The following CXCL10 variants were observed in gnomAD, a reference collection of about 807,000 sequenced individuals.
The protein encoded by CXCL10 is C-X-C motif chemokine ligand 10.
In CXCL10, 6 loss-of-function variants were observed where a neutral mutation model predicts 10.8. That is an observed-to-expected ratio of 0.55 (90% CI 0.30 to 1.09). CXCL10 has a LOEUF of 1.09. Ranked by LOEUF, CXCL10 falls within the 50% of genes least tolerant of loss-of-function variation. The probability of loss-of-function intolerance (pLI) is 0.06; values close to 1 mark genes in which losing one functional copy is unlikely to be tolerated. For synonymous variants in CXCL10, 35 were observed against 35.8 expected, an observed-to-expected ratio of 0.98 and a Z score of 0.08; for missense variants, 114 against 114.3, an observed-to-expected ratio of 1.00 and a Z score of 0.01.
rs1733069851 is a variant in CXCL10, at chr4:76,023,397, A to G, written c.35T>C (p.Ile12Thr). 1 of 1,613,988 alleles carries G rather than the reference A, an allele frequency of 6.2e-7. No individual in the cohort carries two copies. Among genetic ancestry groups the G allele is most frequent in the East Asian group, 2.2e-5 (1 of 44,878 alleles). ...NQTAILICCLIFLTLSGIQGV... is the reference protein window; with the variant it reads ...NQTAILICCLTFLTLSGIQGV... ...TTGAATGCCACTTAGAGTCAGAAAGATAAGGCAGCAAATCAGAATGGCAGT... is the reference window on the plus strand; with the variant it reads ...TTGAATGCCACTTAGAGTCAGAAAGGTAAGGCAGCAAATCAGAATGGCAGT... Residue 12 changes from isoleucine (I) to threonine (T), a missense_variant, in exon 1 of 4, where the codon ATC (isoleucine) becomes ACC (threonine). Physicochemically the swap from Ile to Thr is moderately conservative, Grantham distance 89. Coordinates refer to ENST00000306602, the MANE Select transcript of CXCL10 (RefSeq NM_001565.4).
Position 76,022,836 on chromosome 4 carries a change from A to G in CXCL10, c.62-19T>C, listed in dbSNP as rs896618954. 1 of 1,603,582 alleles carries G rather than the reference A, an allele frequency of 6.2e-7. No individual in the cohort carries two copies. The highest frequency in any genetic ancestry group is 8.5e-7 in the Non-Finnish European group (1 of 1,178,838). ...GGTACTCCTGTAGGAAAAGAGGAAC[A>G]GCAGAGAAGGTTAGCACAGTGTTCA... On this transcript the variant is annotated intron_variant, in intron 1 of 3. Coordinates refer to ENST00000306602, the MANE Select transcript of CXCL10 (RefSeq NM_001565.4).
chr4:76,022,086 G>T, intron 3 of CXCL10, 138 bp from the exon 4 acceptor site: 1 of 871,264 alleles, frequency 1.1e-6, no homozygotes, highest in Admixed American at 2.0e-5. Flanking sequence ...GGATTATAGG[G>T]GTTGCTTTTT....
rs764482738 is a variant in CXCL10, at chr4:76,022,374, G to T, written c.270C>A (p.Ser90Arg). The T allele has an allele frequency of 5.0e-6, 8 of 1,613,176 alleles. No homozygotes were observed. In the Admixed American group the frequency reaches 1.3e-4, roughly 27 times the overall value. The change falls in exon 3 of 4, where the codon AGC (serine) becomes AGA (arginine). Residue 90 changes from serine to arginine, a missense_variant. Ser to Arg is a moderately radical substitution (Grantham distance 110, BLOSUM62 -1). Coordinates refer to ENST00000306602, the MANE Select transcript of CXCL10 (RefSeq NM_001565.4). ...KAIKNLLKAV[S>R]KERSKRSP is the part of the protein sequence containing the mutation. The stretch of plus-strand genomic sequence containing the variant: ...GGCAACAGCAAACCTACCTTTCCTT[G>T]CTAACTGCTTTCAGTAAATTCTTGA...
intron 3 of CXCL10, among the ~76,000 whole-genome samples, 161 bp from the exon 4 acceptor site, chr4:76,022,109 G>T (rs1312224659): frequency 6.6e-6 from 1 of 152,164 alleles, no homozygotes; most frequent in African/African-American, 2.4e-5. Context: ...AACCATGAAA[G>T]ACTTGGGGAA....
chr4:76,022,644 A>T, intron 2 of CXCL10, 47 bp downstream of exon 2: 2 of 1,588,442 alleles, frequency 1.3e-6, no homozygotes, highest in South Asian at 2.2e-5. Context: ...TTAATACAGT[A>T]TATAATTACA....
chr4:76,021,835 C>T lies in CXCL10; in HGVS notation c.*95G>A. The T allele has an allele frequency of 8.2e-7, 1 of 1,214,050 alleles. No homozygotes were observed. The highest frequency in any genetic ancestry group is 2.3e-5 in the East Asian group (1 of 42,800). 75.2% of individuals were successfully genotyped at this position (1,214,050 alleles called of 1,614,324 possible). ...AACTGCAAACTAAGAACAATTATGG[C>T]TTGACATATACTCCATGTAGGGAAG... On this transcript the variant is annotated 3_prime_UTR_variant, in exon 4 of 4. Coordinates refer to ENST00000306602, the MANE Select transcript of CXCL10 (RefSeq NM_001565.4).
In CXCL10 at chr4:76,022,707, GA is replaced by G; in HGVS notation, c.171del (p.Pro58HisfsTer9). On this transcript the variant is annotated frameshift_variant, in exon 2 of 4. Coordinates refer to ENST00000306602, the MANE Select transcript of CXCL10 (RefSeq NM_001565.4). LOFTEE classifies it high-confidence loss of function. ...TTCACTCACATGATCTCAACACGTGGACAAAATTGGCTTGCAGGAATAATTT... is the reference window on the plus strand; with the variant it reads ...TTCACTCACATGATCTCAACACGTGGCAAAATTGGCTTGCAGGAATAATTT... ...KLEIIPASQFCPRVEIIATMK... is the reference protein window; with the variant it reads ...KLEIIPASQFXPRVEIIATMK... The G allele has an allele frequency of 3.7e-6, 6 of 1,613,790 alleles. No homozygotes were observed. Among genetic ancestry groups the G allele is most frequent in the Non-Finnish European group, 5.1e-6 (6 of 1,179,828 alleles).
chr4:76,022,659 G>A (rs1341480689), intron 2 of CXCL10, 32 bp downstream of exon 2: 3 of 1,606,958 alleles, frequency 1.9e-6, no homozygotes, highest in African/African-American at 2.7e-5. Context: ...ATTACAACCA[G>A]GGAAGTGATA....
At chr4:76,022,236 TA>T in intron 3 of CXCL10, 129 bp downstream of exon 3, 1 of 749,854 alleles carries the variant, frequency 1.3e-6, no homozygotes, top group Admixed American at 2.1e-5. Flanking sequence ...TAAATGGAGG[TA>T]GGGGAGGGCG....
chr4:76,021,935 G>A lies in CXCL10; in HGVS notation c.292C>T (p.Pro98Ser), dbSNP rs776817135. The change falls in exon 4 of 4, where the codon CCT becomes TCT. Residue 98 changes from proline to serine, a missense_variant. By Grantham distance (74) the Pro-to-Ser change is moderately conservative (BLOSUM62 -1). Transcript: ENST00000306602. ...GATTTTGCTCCCCTCTGGTTTTAAG[G>A]AGATCTTTTAGACCTGTAAGAAGAG... ...AVSKERSKRSP is the reference protein window; with the variant it reads ...AVSKERSKRSS The A allele has an allele frequency of 1.2e-6, 2 of 1,611,864 alleles. No individual in the cohort carries two copies. Among genetic ancestry groups the A allele is most frequent in the Non-Finnish European group, 1.7e-6 (2 of 1,177,962 alleles).
Position 76,022,727 on chromosome 4 carries a change from A to T in CXCL10, c.152T>A (p.Ile51Asn). 3 of 1,613,932 alleles carry T rather than the reference A, an allele frequency of 1.9e-6. No individual in the cohort carries two copies. The highest frequency in any genetic ancestry group is 2.5e-6 in the Non-Finnish European group (3 of 1,179,886). The change falls in exon 2 of 4, where the codon ATT becomes AAT. Residue 51 changes from isoleucine (I) to asparagine (N), a missense_variant. Physicochemically the swap from Ile to Asn is moderately radical, Grantham distance 149. Transcript: ENST00000306602. ...NPRSLEKLEI[I>N]PASQFCPRVE... is the part of the protein sequence containing the mutation. ...ACGTGGACAAAATTGGCTTGCAGGA[A>T]TAATTTCAAGTTTTTCTAAAGACCT...
Position 76,021,777 on chromosome 4 carries a change from A to T in CXCL10, c.*153T>A. 1 of 745,594 alleles carries T rather than the reference A, an allele frequency of 1.3e-6. No individual in the cohort carries two copies. The highest frequency in any genetic ancestry group is 2.4e-6 in the Non-Finnish European group (1 of 415,632). 46.2% of individuals were successfully genotyped at this position (745,594 alleles called of 1,614,324 possible). A position where few individuals can be genotyped will look rare whatever the true frequency, so the allele number is the denominator to read the frequency against. On this transcript the variant is annotated 3_prime_UTR_variant, in exon 4 of 4. Transcript: ENST00000306602. ...CTTCCTACAGGAGTAGTAGCAGCTG[A>T]TTTGGTGACCATCATTGGTCACCTT...
At position 76,022,815 on chromosome 4, in the gene CXCL10, C is replaced by T; in HGVS notation, c.64G>A (p.Val22Ile). The T allele has an allele frequency of 6.2e-7, 1 of 1,607,738 alleles. No homozygotes were observed. The highest frequency in any genetic ancestry group is 8.5e-7 in the Non-Finnish European group (1 of 1,179,270). The change falls in exon 2 of 4, where the codon GTA (valine) becomes ATA (isoleucine). Residue 22 changes from valine to isoleucine, a missense_variant and splice_region_variant. Coordinates refer to ENST00000306602, the MANE Select transcript of CXCL10 (RefSeq NM_001565.4). ...IFLTLSGIQG[V>I]PLSRTVRCTC... The stretch of plus-strand genomic sequence containing the variant: ...CAGCGTACAGTTCTAGAGAGAGGTA[C>T]TCCTGTAGGAAAAGAGGAACAGCAG...
chr4:76,023,368 T>C lies in CXCL10; in HGVS notation c.61+3A>G, dbSNP rs1385853414. ...AAATTAAGTATCCTTTGATGTTCCT[T>C]ACCTTGAATGCCACTTAGAGTCAGA... On this transcript the variant is annotated splice_donor_region_variant and intron_variant, in intron 1 of 3. Transcript: ENST00000306602. 1.2e-6 allele frequency: 2 copies of C among 1,609,650 alleles called. No homozygotes were observed. The highest frequency in any genetic ancestry group is 8.5e-7 in the Non-Finnish European group (1 of 1,175,964).
At position 76,021,907 on chromosome 4, in the gene CXCL10, A is replaced by G; in HGVS notation, c.*23T>C. 1.2e-6 allele frequency: 2 copies of G among 1,608,618 alleles called. No individual in the cohort carries two copies. The highest frequency in any genetic ancestry group is 1.3e-5 in the African/African-American group (1 of 74,896). ...TGTGGTCCATCCTTGGAAGCACTGCATCGATTTTGCTCCCCTCTGGTTTTA... is the reference window on the plus strand; with the variant it reads ...TGTGGTCCATCCTTGGAAGCACTGCGTCGATTTTGCTCCCCTCTGGTTTTA... On this transcript the variant is annotated 3_prime_UTR_variant, in exon 4 of 4. Transcript: ENST00000306602.
chr4:76,022,777 G>T lies in CXCL10; in HGVS notation c.102C>A (p.Ser34Arg). ...LSRTVRCTCI[S>R]ISNQPVNPRS... ...TTGGATTAACAGGTTGATTACTAAT[G>T]CTGATGCAGGTACAGCGTACAGTTC... is the stretch of plus-strand genomic sequence containing the variant. Residue 34 changes from serine (S) to arginine (R), a missense_variant, in exon 2 of 4, where the codon AGC becomes AGA. Ser to Arg is a moderately radical substitution (Grantham distance 110). Coordinates refer to ENST00000306602, the MANE Select transcript of CXCL10 (RefSeq NM_001565.4). The T allele has an allele frequency of 1.2e-6, 2 of 1,612,800 alleles. No homozygotes were observed.
chr4:76,022,605 A>G, intron 2 of CXCL10, 86 bp downstream of exon 2: 1 of 1,446,592 alleles, frequency 6.9e-7, no homozygotes, highest in Non-Finnish European at 9.2e-7. Context: ...CAAACCCTTT[A>G]CTGATCTTTT....
intron 2 of CXCL10, 40 bp downstream of exon 2, chr4:76,022,651 T>C: frequency 1.9e-6 from 3 of 1,601,648 alleles, no homozygotes; most frequent in Non-Finnish European, 2.6e-6. Flanking sequence ...AGTATATAAT[T>C]ACAACCAGGG....
chr4:76,023,492 T>C lies in CXCL10; in HGVS notation c.-61A>G. The C allele has an allele frequency of 6.7e-7, 1 of 1,481,936 alleles. No homozygotes were observed. The highest frequency in any genetic ancestry group is 1.1e-5 in the South Asian group (1 of 88,278). The allele number at this position is 1,481,936 out of a possible 1,614,324, so 91.8% of individuals were successfully genotyped here. On this transcript the variant is annotated 5_prime_UTR_variant, in exon 1 of 4. Coordinates refer to ENST00000306602, the MANE Select transcript of CXCL10 (RefSeq NM_001565.4). The stretch of plus-strand genomic sequence containing the variant: ...AGAATATGTCTAAGCAATTGAGGAA[T>C]GTCTCAGAAAACGTGGGGCTAGTGT...
Sources: allele counts gnomAD v4.1 joint callset (sites outside exome capture counted in the v4.1 genomes callset), GRCh38; gene constraint gnomAD v4.1.1; transcripts MANE v1.5; gene names NCBI Gene and HGNC (gene_info 2026-07-23, HGNC 2026-07-21).